ADAMTS19: variants seen among roughly 807,000 people sequenced by gnomAD.
ADAMTS19 encodes ADAM metallopeptidase with thrombospondin type 1 motif 19, also known as A disintegrin and metalloproteinase with thrombospondin motifs 19.
Under a neutral mutation model 153.3 loss-of-function variants are expected in ADAMTS19, and 93 were observed. The observed-to-expected ratio is 0.61, with a 90% CI of 0.51 to 0.72. The LOEUF (loss-of-function observed/expected upper bound fraction) is 0.72, where lower values mean the gene tolerates loss of function less well. ADAMTS19 is among the 30% of genes least tolerant of loss of function. The pLI, the probability that ADAMTS19 is intolerant of heterozygous loss-of-function variation, is 0.00. For synonymous variants in ADAMTS19, 600 were observed against 556.6 expected (o/e 1.08, Z -1.10); for missense variants, 1,482 against 1,552.1 (o/e 0.95, Z 0.76).
intron 19 of ADAMTS19, 54 bp downstream of exon 19, chr5:129,694,909 C>T (rs1755489655): frequency 7.1e-7 from 1 of 1,404,860 alleles, no homozygotes. Flanking sequence ...GATTGCTGTC[C>T]TTTAAAACAT....
Position 129,509,381 on chromosome 5 carries a change from A to G in ADAMTS19, c.913+139A>G, listed in dbSNP as rs547990885. ...TAATTAGTAACAATTAAATGTATCA[A>G]TTATAGGATTATCTTTTAGTTTTTT... is the stretch of plus-strand genomic sequence containing the variant. On this transcript the variant is annotated intron_variant, in intron 3 of 22. Coordinates refer to ENST00000274487, the MANE Select transcript of ADAMTS19 (RefSeq NM_133638.6). 133 of 812,780 alleles carry G rather than the reference A, an allele frequency of 1.6e-4. 2 individuals carry two copies. Among genetic ancestry groups the G allele is most frequent in the Non-Finnish European group, 2.3e-4 (124 of 543,100 alleles). The allele number at this position is 812,780 out of a possible 1,614,324, so 50.3% of individuals were successfully genotyped here. A position where few individuals can be genotyped will look rare whatever the true frequency, so the allele number is the denominator to read the frequency against.
chr5:129,658,208 C>A (rs572081074), intron 14 of ADAMTS19, among the ~76,000 whole-genome samples: 1 of 151,816 alleles, frequency 6.6e-6, no homozygotes, highest in East Asian at 1.9e-4. Flanking sequence ...CTGGCTTCAG[C>A]CTGGGAGGCA....
chr5:129,461,521 G>T lies in ADAMTS19; in HGVS notation c.511G>T (p.Val171Leu). ...GCATGCCGAGCCGGATGGCGACGAA[G>T]TGTTGCTGCGGATCCCGGCCTTCTC... ...AQHAEPDGDE[V>L]LLRIPAFSRD... The change falls in exon 2 of 23, where the codon GTG (valine) becomes TTG (leucine). Residue 171 changes from valine to leucine, a missense_variant. Val to Leu is a conservative substitution (Grantham distance 32). Transcript: ENST00000274487. This position sits in a 1 kb window ranked among gnomAD's most constrained non-coding sequence, Gnocchi z 4.6. The T allele has an allele frequency of 6.6e-7, 1 of 1,524,670 alleles. No homozygotes were observed. The highest frequency in any genetic ancestry group is 8.7e-7 in the Non-Finnish European group (1 of 1,142,984). 94.4% of individuals were successfully genotyped at this position (1,524,670 alleles called of 1,614,324 possible). A position where few individuals can be genotyped will look rare whatever the true frequency, so the allele number is the denominator to read the frequency against.
At chr5:129,682,410 A>G (rs555151613) in intron 17 of ADAMTS19, among the ~76,000 whole-genome samples, 1 of 152,332 alleles carries the variant, frequency 6.6e-6, no homozygotes, top group Admixed American at 6.5e-5. Context: ...CAAATGGTTT[A>G]AGAAAGAGCT....
chr5:129,721,589 T>G (rs1757007046), intron 21 of ADAMTS19, among the ~76,000 whole-genome samples: 1 of 150,726 alleles, frequency 6.6e-6, no homozygotes, highest in South Asian at 2.1e-4. Context: ...ACCAAGGTCT[T>G]TTTTTTTTAT....
intron 7 of ADAMTS19, among the ~76,000 whole-genome samples, chr5:129,557,525 A>G (rs772863231): frequency 2.0e-5 from 3 of 152,072 alleles, no homozygotes; most frequent in Non-Finnish European, 4.4e-5. Flanking sequence ...GCTTGAACCC[A>G]AAGGCAGAGG....
At position 129,461,300 on chromosome 5, in the gene ADAMTS19, T is replaced by C; in HGVS notation, c.290T>C (p.Leu97Ser). Reference protein sequence around the residue: ...REVRSVAPVPLEEPVEGRSES... With the variant: ...REVRSVAPVPSEEPVEGRSES... ...GTGCGCTCTGTGGCTCCGGTGCCTT[T>C]GGAGGAGCCCGTGGAGGGCCGATCA... is the stretch of plus-strand genomic sequence containing the variant. The change falls in exon 2 of 23, where the codon TTG (leucine) becomes TCG (serine). Residue 97 changes from leucine to serine, a missense_variant. Around this residue, in one of 2 missense-constraint regions of ADAMTS19, gnomAD observed 866 missense variants for 827.7 expected, o/e 1.05. Transcript: ENST00000274487. The surrounding 1 kb of genome is among the most constrained non-coding windows in gnomAD (Gnocchi z 4.6). 7.7e-7 allele frequency: 1 copy of C among 1,305,426 alleles called. No homozygotes were observed. Among genetic ancestry groups the C allele is most frequent in the Non-Finnish European group, 9.7e-7 (1 of 1,034,292 alleles). The allele number at this position is 1,305,426 out of a possible 1,614,324, so 80.9% of individuals were successfully genotyped here.
chr5:129,624,913 G>A (rs1254776804), intron 10 of ADAMTS19, among the ~76,000 whole-genome samples: 5 of 152,020 alleles, frequency 3.3e-5, no homozygotes, highest in Non-Finnish European at 5.9e-5. Context: ...GTATACATGT[G>A]CCATGTTGGT....
intron 6 of ADAMTS19, among the ~76,000 whole-genome samples, chr5:129,536,259 A>G (rs1202226675): frequency 6.6e-6 from 1 of 152,220 alleles, no homozygotes; most frequent in Non-Finnish European, 1.5e-5. Flanking sequence ...AAGTATATGA[A>G]CAGACACTTC....
rs757136498 is a variant in ADAMTS19 at position 129,622,297 on chromosome 5, A to G, written c.1719A>G (p.Glu573=). ...CAGGGATGACATACACTGCTGATGA[A>G]CAATGCCAGATCCTTTTTGGGCCAT... ...KLPGMTYTAD[E]QCQILFGPLA... Residue 573 remains glutamate, a synonymous_variant, in exon 10 of 23, where the codon GAA becomes GAG. Coordinates refer to ENST00000274487, the MANE Select transcript of ADAMTS19 (RefSeq NM_133638.6). 4 of 1,614,130 alleles carry G rather than the reference A, an allele frequency of 2.5e-6. No individual in the cohort carries two copies. The highest frequency in any genetic ancestry group is 3.4e-6 in the Non-Finnish European group (4 of 1,180,012).
rs937487190 is a variant in ADAMTS19, at chr5:129,665,397, T to G, written c.2426-102T>G. On this transcript the variant is annotated intron_variant, in intron 15 of 22. Coordinates refer to ENST00000274487, the MANE Select transcript of ADAMTS19 (RefSeq NM_133638.6). Reference sequence around the variant, plus strand: ...TCTTTACGTAAGTACTGAAATATCATAGCAATAACCAAAACCAAAAGGAAA... The same window carrying G: ...TCTTTACGTAAGTACTGAAATATCAGAGCAATAACCAAAACCAAAAGGAAA... 5.1e-5 allele frequency: 47 copies of G among 922,278 alleles called. No individual in the cohort carries two copies. The South Asian group carries it at 7.4e-4, about 14-fold the overall frequency. The allele number at this position is 922,278 out of a possible 1,614,324, so 57.1% of individuals were successfully genotyped here. A position where few individuals can be genotyped will look rare whatever the true frequency, so the allele number is the denominator to read the frequency against.
intron 7 of ADAMTS19, among the ~76,000 whole-genome samples, chr5:129,591,213 C>T (rs1314243644): frequency 6.6e-6 from 1 of 152,046 alleles, no homozygotes; most frequent in Non-Finnish European, 1.5e-5. Flanking sequence ...CCTTATTTCC[C>T]TTTTATATTC....
At chr5:129,643,376 AAAAAAAAAAAG>A (rs1451497975) in intron 11 of ADAMTS19, among the ~76,000 whole-genome samples, 17 of 149,410 alleles carry the variant, frequency 1.1e-4, no homozygotes, top group Admixed American at 4.7e-4. Flanking sequence ...ACAAAAAAAA[AAAAAAAAAAAG>A]AAAAAAAAAA....
intron 7 of ADAMTS19, among the ~76,000 whole-genome samples, chr5:129,582,090 A>T (rs1262575415): frequency 1.3e-5 from 2 of 151,366 alleles, no homozygotes; most frequent in Non-Finnish European, 2.9e-5. Context: ...TTTTGGATGT[A>T]GAGTTGTGTA....
At chr5:129,495,813 A>G (rs773370986) in intron 2 of ADAMTS19, among the ~76,000 whole-genome samples, 4 of 152,090 alleles carry the variant, frequency 2.6e-5, no homozygotes, top group Non-Finnish European at 4.4e-5. Context: ...CCTGGTATAC[A>G]CAGAGTGTTT....
chr5:129,667,710 G>T (rs1038085565), intron 16 of ADAMTS19, among the ~76,000 whole-genome samples: 1 of 152,062 alleles, frequency 6.6e-6, no homozygotes, highest in African/African-American at 2.4e-5. Context: ...GCAGATGGCA[G>T]CACCATACTT....
intron 21 of ADAMTS19, among the ~76,000 whole-genome samples, chr5:129,705,657 AACTTCAC>A (rs891398734): frequency 6.6e-6 from 1 of 152,230 alleles, no homozygotes; most frequent in African/African-American, 2.4e-5. Flanking sequence ...CACATAAGGA[AACTTCAC>A]ACTTCAGAAT....
At chr5:129,703,506 G>T (rs909657372) in intron 20 of ADAMTS19, among the ~76,000 whole-genome samples, 1 of 152,176 alleles carries the variant, frequency 6.6e-6, no homozygotes, top group Non-Finnish European at 1.5e-5. Flanking sequence ...GCCAAGGTGG[G>T]TGGACCACTT....
intron 7 of ADAMTS19, among the ~76,000 whole-genome samples, chr5:129,583,829 C>A (rs1749647736): frequency 6.6e-6 from 1 of 151,984 alleles, no homozygotes; most frequent in African/African-American, 2.4e-5. Flanking sequence ...TTCCAAGGTT[C>A]TTAGCTTCCT....
Sources: gnomAD v4.1 joint callset for allele counts (sites outside exome capture counted in the v4.1 genomes callset) on GRCh38, gnomAD v4.1.1 for gene constraint, gnomAD v4.1.1 regional missense constraint, Gnocchi (gnomAD v3.1) non-coding constraint, MANE v1.5 for transcripts, NCBI Gene and HGNC (gene_info 2026-07-23, HGNC 2026-07-21) for gene names.